FUT8: variants seen among roughly 807,000 people sequenced by gnomAD.
FUT8 encodes the protein fucosyltransferase 8.
Under a neutral mutation model 71.3 loss-of-function variants are expected in FUT8, and 29 were observed. That is an observed-to-expected ratio of 0.41 (90% CI 0.30 to 0.55). The LOEUF is 0.55. Ranked by LOEUF, FUT8 falls within the 20% of genes least tolerant of loss-of-function variation. The pLI, the probability that FUT8 is intolerant of heterozygous loss-of-function variation, is 0.34. For missense variants in FUT8, 544 were observed against 702.1 expected (o/e 0.77, Z 2.55); for synonymous variants, 254 against 239.3 (o/e 1.06, Z -0.57).
chr14:65,499,378 A>T (rs73284149), intron 2 of FUT8, among the ~76,000 whole-genome samples: 10 of 152,244 alleles, frequency 6.6e-5, no homozygotes, highest in Admixed American at 2.6e-4. Context: ...GAGGCCCTCA[A>T]ACAGAGTACA....
chr14:65,389,182 T>C, the FUT8 span, among the ~76,000 whole-genome samples: 13 of 139,088 alleles, frequency 9.3e-5, no homozygotes, highest in Non-Finnish European at 1.5e-4. Context: ...CATATATATA[T>C]AAAAAAATTA....
the FUT8 span, among the ~76,000 whole-genome samples, chr14:65,361,173 T>C: frequency 4.0e-5 from 6 of 151,746 alleles, no homozygotes; most frequent in Admixed American, 6.6e-5. Context: ...CTGACCAACA[T>C]AGTGAAACCC....
In FUT8 at chr14:65,706,504, C is replaced by T. The variant is rs746594636; in HGVS notation, c.836-15271C>T. The stretch of plus-strand genomic sequence containing the variant: ...ATTATTAACCAGAGGAGTGTCAGTC[C>T]GTTTGGGCTGCTATAACAAAATACT... On this transcript the variant is annotated intron_variant, in intron 7 of 10. Coordinates refer to ENST00000673929, the MANE Select transcript of FUT8 (RefSeq NM_001371533.1). 4.6e-5 allele frequency among the ~76,000 whole-genome samples: 7 copies of T among 152,128 alleles called. No homozygotes were observed. The East Asian group carries it at 5.8e-4, about 13-fold the overall frequency.
chr14:65,485,786 A>G (rs888306321), intron 2 of FUT8, among the ~76,000 whole-genome samples: 1 of 152,050 alleles, frequency 6.6e-6, no homozygotes, highest in Non-Finnish European at 1.5e-5. Context: ...CATCAACTCA[A>G]GTTAGTTTAT....
chr14:65,677,173 C>T (rs61987765), intron 7 of FUT8, among the ~76,000 whole-genome samples: 1,235 of 108,178 alleles, frequency 0.011, 11 homozygotes, highest in Admixed American at 0.016. Flanking sequence ...TGCGCGCGCA[C>T]GTATGTGTGT....
the FUT8 span, among the ~76,000 whole-genome samples, chr14:65,386,837 ATTTTTTTTT>A: frequency 1.2e-5 from 1 of 82,016 alleles, no homozygotes; most frequent in African/African-American, 4.3e-5. Flanking sequence ...TCTTCCTTTA[ATTTTTTTTT>A]TTTTTTTTTT....
the FUT8 span, among the ~76,000 whole-genome samples, chr14:65,379,852 C>G: frequency 6.6e-6 from 1 of 152,164 alleles, no homozygotes; most frequent in African/African-American, 2.4e-5. Flanking sequence ...TGCTGGGCAT[C>G]CTCACATGGC....
chr14:65,405,884 T>C (rs1228367605), upstream of FUT8, among the ~76,000 whole-genome samples: 1 of 152,232 alleles, frequency 6.6e-6, no homozygotes, highest in African/African-American at 2.4e-5. Context: ...ATAAACATTC[T>C]GGAGGAATGG....
intron 2 of FUT8, among the ~76,000 whole-genome samples, chr14:65,527,562 T>G (rs1247550534): frequency 6.6e-6 from 1 of 152,212 alleles, no homozygotes; most frequent in Non-Finnish European, 1.5e-5. Flanking sequence ...TTATCTCAAC[T>G]CATCAAAGTC....
At chr14:65,465,067 A>C (rs1178714941) in intron 2 of FUT8, among the ~76,000 whole-genome samples, 1 of 152,084 alleles carries the variant, frequency 6.6e-6, no homozygotes, top group Non-Finnish European at 1.5e-5. Context: ...GTGTCTTTTA[A>C]GGGATTGGTC....
chr14:65,496,248 T>C (rs1827282288), intron 2 of FUT8, among the ~76,000 whole-genome samples: 1 of 152,204 alleles, frequency 6.6e-6, no homozygotes, highest in Non-Finnish European at 1.5e-5. Flanking sequence ...ATATTCCTTT[T>C]AGAATTATTA....
At chr14:65,733,083 C>T in intron 9 of FUT8, 148 bp from the exon 10 acceptor site, 1 of 493,286 alleles carries the variant, frequency 2.0e-6, no homozygotes, top group Non-Finnish European at 3.5e-6. Flanking sequence ...CACTGATGGA[C>T]TTCAAATATG....
the FUT8 span, among the ~76,000 whole-genome samples, chr14:65,390,826 C>T: frequency 1.5e-4 from 22 of 149,892 alleles, no homozygotes; most frequent in Non-Finnish European, 2.8e-4. Context: ...TGGGTTCAAA[C>T]GATTCTCCTG....
chr14:65,475,993 G>C (rs1889731), intron 2 of FUT8, among the ~76,000 whole-genome samples: 106,034 of 151,884 alleles, frequency 0.7, 37,296 homozygotes, highest in East Asian at 0.9. Flanking sequence ...GTGCCTTTTA[G>C]TTGTTTGATC....
chr14:65,737,420 C>T (rs971313942), intron 10 of FUT8, among the ~76,000 whole-genome samples: 1 of 152,028 alleles, frequency 6.6e-6, no homozygotes, highest in Admixed American at 6.5e-5. Flanking sequence ...CATTCTAAAA[C>T]GTTCTACCAA....
At chr14:65,739,093 A>G (rs1896368059) in intron 10 of FUT8, among the ~76,000 whole-genome samples, 2 of 151,934 alleles carry the variant, frequency 1.3e-5, no homozygotes, top group Non-Finnish European at 2.9e-5. Context: ...TAGCTTCTTC[A>G]TCTGTAAAAT....
intron 3 of FUT8, among the ~76,000 whole-genome samples, chr14:65,579,255 T>G (rs563866486): frequency 6.6e-6 from 1 of 152,332 alleles, no homozygotes; most frequent in East Asian, 1.9e-4. Context: ...TTTATACTTT[T>G]AAGTTTCCCT....
intron 6 of FUT8, among the ~76,000 whole-genome samples, chr14:65,647,356 T>C (rs1417440273): frequency 1.3e-5 from 2 of 152,210 alleles, no homozygotes; most frequent in African/African-American, 4.8e-5. Context: ...CTTAGTATTA[T>C]GCAAAGTAAC....
At chr14:65,367,623 G>A in the FUT8 span, among the ~76,000 whole-genome samples, 1 of 152,138 alleles carries the variant, frequency 6.6e-6, no homozygotes, top group Non-Finnish European at 1.5e-5. Flanking sequence ...CATAATCAAA[G>A]AAGGTAATCC....
Sources: gnomAD v4.1 joint callset for allele counts (sites outside exome capture counted in the v4.1 genomes callset) on GRCh38, gnomAD v4.1.1 for gene constraint, MANE v1.5 for transcripts, NCBI Gene and HGNC (gene_info 2026-07-23, HGNC 2026-07-21) for gene names.